HTR1F: variants seen among roughly 807,000 people sequenced by gnomAD.
HTR1F encodes the protein 5-hydroxytryptamine receptor 1F.
In HTR1F, 17 loss-of-function variants were observed where a neutral mutation model predicts 24.0. That is an observed-to-expected ratio of 0.71 (90% CI 0.48 to 1.06). The LOEUF is 1.06. Ranked by LOEUF, HTR1F falls within the 50% of genes least tolerant of loss-of-function variation. The pLI is 0.00. For synonymous variants in HTR1F, 186 were observed against 156.8 expected (o/e 1.19, Z -1.39); for missense variants, 391 against 427.8 (o/e 0.91, Z 0.76).
intron 2 of HTR1F, among the ~76,000 whole-genome samples, chr3:87,946,457 G>T (rs1704707764): frequency 6.6e-6 from 1 of 151,390 alleles, no homozygotes. Flanking sequence ...TTTCTAATAG[G>T]CAAAAATCAT....
intron 2 of HTR1F, among the ~76,000 whole-genome samples, chr3:87,931,786 C>A (rs7430537): frequency 0.18 from 26,979 of 147,020 alleles, 2,929 homozygotes; most frequent in African/African-American, 0.31. Context: ...ATTTGCATTT[C>A]TCTGATGGCC....
At chr3:87,887,606 A>G in intron 2 of HTR1F, among the ~76,000 whole-genome samples, 2 of 152,212 alleles carry the variant, frequency 1.3e-5, no homozygotes, top group Non-Finnish European at 2.9e-5. Context: ...CAGAATCTAC[A>G]AAGAACTTAA....
rs554424492 is a variant in HTR1F at position 87,888,147 on chromosome 3, AG to A, written c.-43+66024del. On this transcript the variant is annotated intron_variant, in intron 2 of 2. Transcript: ENST00000319595. ...TGGAATACTATGCAGACATAAAAAA[AG>A]ATGAGTTCATGTCCTTTGCATGGAT... Among the ~76,000 whole-genome samples, 789 of 152,306 alleles carry A rather than the reference AG, an allele frequency of 5.2e-3. 6 individuals are homozygous for A. Among genetic ancestry groups the A allele is most frequent in the South Asian group, 8.9e-3 (43 of 4,826 alleles).
At chr3:87,920,354 C>T (rs943543092) in intron 2 of HTR1F, among the ~76,000 whole-genome samples, 4 of 151,796 alleles carry the variant, frequency 2.6e-5, no homozygotes, top group African/African-American at 7.3e-5. Flanking sequence ...CACTAAAGAA[C>T]TTACTCATGT....
At chr3:87,798,207 C>A (rs569517328) in intron 1 of HTR1F, among the ~76,000 whole-genome samples, 1 of 152,096 alleles carries the variant, frequency 6.6e-6, no homozygotes, top group Non-Finnish European at 1.5e-5. Context: ...GCCCCCTCCC[C>A]CTTCAGTCTC....
chr3:87,975,941 T>G (rs1705386890), intron 2 of HTR1F, among the ~76,000 whole-genome samples: 1 of 152,196 alleles, frequency 6.6e-6, no homozygotes, highest in Admixed American at 6.5e-5. Context: ...TGACAGCAAT[T>G]AGCACTCACA....
At position 87,862,211 on chromosome 3, in the gene HTR1F, A is replaced by G. The variant is rs551351837; in HGVS notation, c.-43+40087A>G. 2.6e-5 allele frequency among the ~76,000 whole-genome samples: 4 copies of G among 152,272 alleles called. No homozygotes were observed. In the South Asian group the frequency reaches 8.3e-4, roughly 32 times the overall value. ...TGTACTGGTTTTCATTTACCTGAAA[A>G]TGGCTTTAATTTACCTTCACTCTTT... On this transcript the variant is annotated intron_variant, in intron 2 of 2. Transcript: ENST00000319595.
intron 2 of HTR1F, among the ~76,000 whole-genome samples, chr3:87,893,457 AT>A (rs1371994958): frequency 1.3e-5 from 2 of 152,154 alleles, no homozygotes. Context: ...AGATTCCACA[AT>A]TTTGCAGATT....
intron 2 of HTR1F, among the ~76,000 whole-genome samples, chr3:87,879,866 AT>A (rs1182894990): frequency 1.3e-5 from 2 of 148,766 alleles, no homozygotes; most frequent in Non-Finnish European, 2.9e-5. Context: ...ATGATGGCAT[AT>A]TTTTTTCTGT....
chr3:87,972,598 A>T (rs1289350217), intron 2 of HTR1F, among the ~76,000 whole-genome samples: 1 of 152,096 alleles, frequency 6.6e-6, no homozygotes, highest in Admixed American at 6.6e-5. Flanking sequence ...GTTTGAAACT[A>T]CTTATTACTT....
intron 2 of HTR1F, among the ~76,000 whole-genome samples, chr3:87,895,438 A>G (rs1402650853): frequency 1.3e-5 from 2 of 152,120 alleles, no homozygotes; most frequent in African/African-American, 2.4e-5. Context: ...TTATTTGTGT[A>G]TACACAAATA....
chr3:87,891,046 G>A (rs1312151702), intron 2 of HTR1F, among the ~76,000 whole-genome samples: 1 of 151,874 alleles, frequency 6.6e-6, no homozygotes, highest in African/African-American at 2.4e-5. Flanking sequence ...TCACCATGTT[G>A]GCCAGCCTGG....
chr3:87,830,952 A>G (rs1704561221), intron 2 of HTR1F, among the ~76,000 whole-genome samples: 3 of 152,228 alleles, frequency 2.0e-5, no homozygotes, highest in Admixed American at 1.3e-4. Context: ...TTAAGTAAAT[A>G]TGACTTATAA....
intron 2 of HTR1F, among the ~76,000 whole-genome samples, chr3:87,937,893 C>T (rs1429132678): frequency 6.8e-6 from 1 of 147,488 alleles, no homozygotes; most frequent in Non-Finnish European, 1.5e-5. Context: ...CACTGCACTC[C>T]AGCTTGGGCA....
At chr3:87,838,968 T>A (rs1704739333) in intron 2 of HTR1F, among the ~76,000 whole-genome samples, 1 of 151,694 alleles carries the variant, frequency 6.6e-6, no homozygotes, top group Non-Finnish European at 1.5e-5. Flanking sequence ...AATCCATGAA[T>A]TGTCTCTTTA....
intron 2 of HTR1F, among the ~76,000 whole-genome samples, chr3:87,955,714 C>A (rs1704928751): frequency 6.6e-6 from 1 of 151,398 alleles, no homozygotes; most frequent in African/African-American, 2.4e-5. Flanking sequence ...AGGTATTTTT[C>A]ATCGTTTTAT....
intron 2 of HTR1F, among the ~76,000 whole-genome samples, chr3:87,922,989 G>A (rs1454179389): frequency 7.8e-4 from 108 of 138,024 alleles, no homozygotes; most frequent in East Asian, 2.2e-3. Flanking sequence ...TCTTCATGTG[G>A]ATATCCCGTT....
intron 2 of HTR1F, among the ~76,000 whole-genome samples, chr3:87,850,838 G>T (rs1705070425): frequency 6.6e-6 from 1 of 150,868 alleles, no homozygotes; most frequent in South Asian, 2.1e-4. Flanking sequence ...CCTAGGGAAA[G>T]TTTACCAAAA....
intron 2 of HTR1F, among the ~76,000 whole-genome samples, chr3:87,915,818 C>A (rs1703880087): frequency 6.6e-6 from 1 of 152,096 alleles, no homozygotes; most frequent in Non-Finnish European, 1.5e-5. Context: ...CCCAGCCATG[C>A]TAGAGACCTA....
Sources: allele counts gnomAD v4.1 joint callset (sites outside exome capture counted in the v4.1 genomes callset), GRCh38; gene constraint gnomAD v4.1.1; transcripts MANE v1.5; gene names NCBI Gene and HGNC (gene_info 2026-07-23, HGNC 2026-07-21).